TCF7L2: variants seen among roughly 807,000 people sequenced by gnomAD.
TCF7L2 encodes transcription factor 7 like 2, also known as transcription factor 7-like 2.
Under a neutral mutation model 77.9 loss-of-function variants are expected in TCF7L2, and 23 were observed. The observed-to-expected ratio is 0.30, with a 90% CI of 0.21 to 0.42. The LOEUF (loss-of-function observed/expected upper bound fraction) is 0.42, where lower values mean the gene tolerates loss of function less well. TCF7L2 is among the 10% of genes least tolerant of loss of function. The pLI, the probability that TCF7L2 is intolerant of heterozygous loss-of-function variation, is 1.00. For synonymous variants in TCF7L2, 413 were observed against 340.2 expected (o/e 1.21, Z -2.36); for missense variants, 654 against 793.1 (o/e 0.82, Z 2.11).
chr10:112,981,308 C>CAA (rs11362147), intron 4 of TCF7L2, among the ~76,000 whole-genome samples: 9 of 142,476 alleles, frequency 6.3e-5, no homozygotes, highest in African/African-American at 2.3e-4. Context: ...GACCCGTCCT[C>CAA]AAAAAAAAAA....
chr10:113,126,888 G>C (rs902789859), intron 5 of TCF7L2: 4 of 985,250 alleles, frequency 4.1e-6, no homozygotes, highest in Non-Finnish European at 3.6e-6. Flanking sequence ...GATGGTAAGC[G>C]CGGCCGGCGG....
intron 4 of TCF7L2, among the ~76,000 whole-genome samples, chr10:112,980,107 C>T (rs2040204614): frequency 6.6e-6 from 1 of 152,168 alleles, no homozygotes; most frequent in Admixed American, 6.5e-5. Context: ...TGGTTTGGCT[C>T]AAAAGCATTT....
At chr10:112,983,508 A>T (rs2040900730) in intron 4 of TCF7L2, among the ~76,000 whole-genome samples, 1 of 152,194 alleles carries the variant, frequency 6.6e-6, no homozygotes, top group African/African-American at 2.4e-5. Flanking sequence ...TTAATTAAAA[A>T]GTCATCCTTT....
rs142983151 is a variant in TCF7L2, at chr10:113,060,090, A to G, written c.552+19964A>G. Among the ~76,000 whole-genome samples, 334 of 152,340 alleles carry G rather than the reference A, an allele frequency of 2.2e-3. 3 individuals are homozygous for G. The highest frequency in any genetic ancestry group is 7.2e-3 in the African/African-American group (299 of 41,580). On this transcript the variant is annotated intron_variant, in intron 5 of 13. Coordinates refer to ENST00000627217, the MANE Select transcript of TCF7L2 (RefSeq NM_001146274.2). The stretch of plus-strand genomic sequence containing the variant: ...TTTACATCTTAGCTGTTCAGCGGAT[A>G]CCCTGTTAGTGTTTGTTCTTCAGAA...
At chr10:112,996,840 G>C (rs1199149832) in intron 4 of TCF7L2, among the ~76,000 whole-genome samples, 1 of 152,214 alleles carries the variant, frequency 6.6e-6, no homozygotes, top group African/African-American at 2.4e-5. Context: ...AATTTCTACA[G>C]CTTTGGGGGA....
At chr10:112,972,730 C>G (rs71483167) in intron 4 of TCF7L2, among the ~76,000 whole-genome samples, 1 of 152,206 alleles carries the variant, frequency 6.6e-6, no homozygotes, top group African/African-American at 2.4e-5. Flanking sequence ...CTTAGCCTCC[C>G]AAAGTGCTGG....
intron 13 of TCF7L2, chr10:113,161,595 AT>A (rs2073167858): frequency 1.3e-6 from 2 of 1,536,012 alleles, no homozygotes; most frequent in Non-Finnish European, 1.7e-6. Context: ...AATTTGGAAT[AT>A]TACAATGGTA....
intron 5 of TCF7L2, among the ~76,000 whole-genome samples, chr10:113,138,235 T>G (rs2067713731): frequency 2.7e-5 from 4 of 148,766 alleles, no homozygotes; most frequent in Admixed American, 6.7e-5. Flanking sequence ...AAACTTCCAG[T>G]TCCCTGCCAC....
rs2137658687 is a variant in TCF7L2, at chr10:113,165,981, T to C, written c.*9T>C. ...CCAAGTCTTTAGAATAGCTTTAGCGTCGTGAACCCCGCTGCTTTGTTTATG... is the reference window on the plus strand; with the variant it reads ...CCAAGTCTTTAGAATAGCTTTAGCGCCGTGAACCCCGCTGCTTTGTTTATG... On this transcript the variant is annotated 3_prime_UTR_variant, in exon 14 of 14. Transcript: ENST00000627217. 1 of 1,492,132 alleles carries C rather than the reference T, an allele frequency of 6.7e-7. No homozygotes were observed. The highest frequency in any genetic ancestry group is 8.9e-7 in the Non-Finnish European group (1 of 1,119,262). The allele number at this position is 1,492,132 out of a possible 1,614,324, so 92.4% of individuals were successfully genotyped here.
chr10:113,164,575 G>C (rs1347551518), intron 13 of TCF7L2, among the ~76,000 whole-genome samples: 1 of 147,226 alleles, frequency 6.8e-6, no homozygotes, highest in Non-Finnish European at 1.5e-5. Context: ...ACGGGGTGGG[G>C]GAGGGGAAAG....
chr10:113,076,182 G>T (rs540562957), intron 5 of TCF7L2, among the ~76,000 whole-genome samples: 1 of 149,596 alleles, frequency 6.7e-6, no homozygotes, highest in Non-Finnish European at 1.5e-5. Flanking sequence ...CTGTCACCCA[G>T]GCTGGGATAT....
At chr10:112,978,767 C>A (rs2039931311) in intron 4 of TCF7L2, among the ~76,000 whole-genome samples, 1 of 151,590 alleles carries the variant, frequency 6.6e-6, no homozygotes, top group Non-Finnish European at 1.5e-5. Context: ...GTGTGAGCCA[C>A]CGCGCCCGGC....
chr10:112,996,505 C>T (rs956547593), intron 4 of TCF7L2, among the ~76,000 whole-genome samples: 1 of 152,126 alleles, frequency 6.6e-6, no homozygotes, highest in African/African-American at 2.4e-5. Flanking sequence ...CAAACCAGGG[C>T]CCCCCTCACC....
At position 113,151,947 on chromosome 10, in the gene TCF7L2, G is replaced by A. The variant is rs2070825074; in HGVS notation, c.1161+63G>A. 1.6e-5 allele frequency: 25 copies of A among 1,538,706 alleles called. No individual in the cohort carries two copies. Among genetic ancestry groups the A allele is most frequent in the Non-Finnish European group, 2.1e-5 (24 of 1,149,764 alleles). ...GTGGTGAGGGACCAGAGTGCAGCAG[G>A]TCAGGTGGCAGAATGTCTCTGTCCC... On this transcript the variant is annotated intron_variant, in intron 10 of 13. Transcript: ENST00000627217. This position sits in a 1 kb window ranked among gnomAD's most constrained non-coding sequence, Gnocchi z 5.2.
At chr10:113,097,053 CAG>C (rs2061060685) in intron 5 of TCF7L2, among the ~76,000 whole-genome samples, 1 of 152,064 alleles carries the variant, frequency 6.6e-6, no homozygotes, top group South Asian at 2.1e-4. Flanking sequence ...TTTAGAAAAA[CAG>C]AGTTGGGGGA....
Position 113,124,504 on chromosome 10 carries a change from T to C in TCF7L2, c.553-16680T>C, listed in dbSNP as rs146342268. ...GAAATATCATCTCGAAGACAACTTA[T>C]ATGGAGCAAGCCAATGAAGCCTGCT... On this transcript the variant is annotated intron_variant, in intron 5 of 13. Coordinates refer to ENST00000627217, the MANE Select transcript of TCF7L2 (RefSeq NM_001146274.2). Among the ~76,000 whole-genome samples the C allele has an allele frequency of 2.0e-4, 31 of 152,242 alleles. 1 individual carries two copies. The East Asian group carries it at 5.2e-3, about 26-fold the overall frequency.
chr10:113,059,413 A>G (rs993854192), intron 5 of TCF7L2, among the ~76,000 whole-genome samples: 37 of 151,666 alleles, frequency 2.4e-4, no homozygotes, highest in Admixed American at 6.6e-5. Context: ...TTTTCTTGGC[A>G]AAGTGTTCCA....
At chr10:112,985,980 G>C (rs1328787984) in intron 4 of TCF7L2, among the ~76,000 whole-genome samples, 1 of 152,038 alleles carries the variant, frequency 6.6e-6, no homozygotes, top group Non-Finnish European at 1.5e-5. Flanking sequence ...AAGTCACCCA[G>C]AAGCAAAGAT....
At chr10:113,025,644 G>C (rs1474233324) in intron 4 of TCF7L2, among the ~76,000 whole-genome samples, 2 of 152,156 alleles carry the variant, frequency 1.3e-5, no homozygotes, top group East Asian at 3.8e-4. Context: ...GCCTCGCAAA[G>C]TGCTGGGATT....
Sources: gnomAD v4.1 joint callset for allele counts (sites outside exome capture counted in the v4.1 genomes callset) on GRCh38, gnomAD v4.1.1 for gene constraint, Gnocchi (gnomAD v3.1) non-coding constraint, MANE v1.5 for transcripts, NCBI Gene and HGNC (gene_info 2026-07-23, HGNC 2026-07-21) for gene names.